SUZ12: variants seen among roughly 807,000 people sequenced by gnomAD.
SUZ12 encodes SUZ12 polycomb repressive complex 2 subunit.
Under a neutral mutation model 87.3 loss-of-function variants are expected in SUZ12, and 17 were observed. That is an observed-to-expected ratio of 0.19 (90% CI 0.13 to 0.29). The LOEUF is 0.29. Ranked by LOEUF, SUZ12 falls within the 10% of genes least tolerant of loss-of-function variation. The pLI, the probability that SUZ12 is intolerant of heterozygous loss-of-function variation, is 1.00. For synonymous variants in SUZ12, 253 were observed against 312.4 expected, an observed-to-expected ratio of 0.81 and a Z score of 2.01; for missense variants, 526 against 912.2, an observed-to-expected ratio of 0.58 and a Z score of 5.45.
At chr17:31,963,941 C>G (rs764390385) in intron 4 of SUZ12, 4 of 151,860 alleles carry the variant, frequency 2.6e-5, no homozygotes, top group Non-Finnish European at 5.9e-5. Flanking sequence ...GGCACCGGCC[C>G]TCTGCTTTCT....
At chr17:31,970,191 G>A (rs763845655) in intron 5 of SUZ12, among the ~76,000 whole-genome samples, 24 of 152,266 alleles carry the variant, frequency 1.6e-4, no homozygotes, top group Admixed American at 5.9e-4. Context: ...AGTATTGTTC[G>A]GCAAATATTT....
chr17:31,992,589 T>A (rs1909775118), intron 10 of SUZ12, among the ~76,000 whole-genome samples: 1 of 151,868 alleles, frequency 6.6e-6, no homozygotes, highest in South Asian at 2.1e-4. Flanking sequence ...TTTTTGTATT[T>A]TTAGTAGAGA....
At chr17:31,972,157 C>T (rs1474645037) in intron 5 of SUZ12, among the ~76,000 whole-genome samples, 1 of 151,640 alleles carries the variant, frequency 6.6e-6, no homozygotes, top group Non-Finnish European at 1.5e-5. Context: ...TCCTGGTGCG[C>T]ACCTGTAGTC....
intron 10 of SUZ12, among the ~76,000 whole-genome samples, chr17:31,993,041 A>G (rs1303661489): frequency 6.6e-6 from 1 of 152,210 alleles, no homozygotes; most frequent in Non-Finnish European, 1.5e-5. Context: ...AGTCCTGCCA[A>G]TAGACCTTAA....
At position 31,966,203 on chromosome 17, in the gene SUZ12, A is replaced by C. The variant is rs781478392; in HGVS notation, c.505+7A>C. On this transcript the variant is annotated splice_region_variant and intron_variant, in intron 5 of 15. Transcript: ENST00000322652. ...GGTTTCTTCCACAAAAATGGTATGT[A>C]TTTAAAAGTAAATAAAGTGGCATTT... is the stretch of plus-strand genomic sequence containing the variant. 1.9e-6 allele frequency: 3 copies of C among 1,598,536 alleles called. No homozygotes were observed. The highest frequency in any genetic ancestry group is 2.6e-6 in the Non-Finnish European group (3 of 1,174,612).
intron 5 of SUZ12, among the ~76,000 whole-genome samples, chr17:31,969,953 C>A (rs1908315289): frequency 6.6e-6 from 1 of 152,090 alleles, no homozygotes; most frequent in African/African-American, 2.4e-5. Context: ...TAGACAGAGT[C>A]TTGCTCTGTC....
intron 3 of SUZ12, among the ~76,000 whole-genome samples, chr17:31,946,261 T>A (rs562588949): frequency 1.3e-5 from 2 of 152,282 alleles, no homozygotes; most frequent in East Asian, 3.9e-4. Flanking sequence ...TGGCCAGGCA[T>A]GGTGGCTCAC....
chr17:31,986,301 T>G (rs1294283350), intron 9 of SUZ12, among the ~76,000 whole-genome samples: 1 of 152,228 alleles, frequency 6.6e-6, no homozygotes, highest in African/African-American at 2.4e-5. Context: ...CATATAGATT[T>G]ACTTCTTTTT....
At chr17:31,939,753 C>T (rs1201557232) in intron 1 of SUZ12, among the ~76,000 whole-genome samples, 4 of 151,972 alleles carry the variant, frequency 2.6e-5, no homozygotes, top group Admixed American at 6.6e-5. Flanking sequence ...CTCGAACTCC[C>T]GACCTTAGGT....
intron 10 of SUZ12, among the ~76,000 whole-genome samples, chr17:31,991,731 A>G (rs768253616): frequency 8.7e-4 from 132 of 151,868 alleles, no homozygotes; most frequent in Non-Finnish European, 1.4e-3. Flanking sequence ...CAGCTTCCCA[A>G]GTAGCTGGGA....
chr17:31,989,684 T>C (rs2142206666), intron 10 of SUZ12, among the ~76,000 whole-genome samples: 1 of 151,578 alleles, frequency 6.6e-6, no homozygotes, highest in East Asian at 2.0e-4. Context: ...CTGCACGCTC[T>C]GCCTCCCTGG....
intron 9 of SUZ12, 93 bp from the exon 10 acceptor site, chr17:31,988,227 C>G: frequency 8.0e-7 from 1 of 1,256,792 alleles, no homozygotes; most frequent in East Asian, 2.6e-5. Flanking sequence ...AAGGCAAATC[C>G]ACATTGACTT....
rs142224060 is a variant in SUZ12, at chr17:31,978,357, T to C, written c.917+1743T>C. Among the ~76,000 whole-genome samples, 1,400 of 152,136 alleles carry C rather than the reference T, an allele frequency of 9.2e-3. 6 individuals carry two copies. The highest frequency in any genetic ancestry group is 0.013 in the Non-Finnish European group (895 of 67,986). On this transcript the variant is annotated intron_variant, in intron 8 of 15. Coordinates refer to ENST00000322652, the MANE Select transcript of SUZ12 (RefSeq NM_015355.4). ...CTGAATAGCTGGGATTACAGGCACC[T>C]GCTACCATGCCCAGCTAATTTTTGT...
At chr17:31,969,080 G>A (rs936320215) in intron 5 of SUZ12, among the ~76,000 whole-genome samples, 2 of 152,158 alleles carry the variant, frequency 1.3e-5, no homozygotes, top group African/African-American at 4.8e-5. Flanking sequence ...AGGTTCAAGT[G>A]ATTCTCATGC....
intron 4 of SUZ12, among the ~76,000 whole-genome samples, chr17:31,964,321 A>G (rs376931181): frequency 0.066 from 9,891 of 149,718 alleles, no homozygotes; most frequent in African/African-American, 0.22. Context: ...CACCGCACCC[A>G]GCCCCTAGCA....
At chr17:31,982,345 A>G (rs1428911555) in intron 8 of SUZ12, among the ~76,000 whole-genome samples, 1 of 151,886 alleles carries the variant, frequency 6.6e-6, no homozygotes, top group Non-Finnish European at 1.5e-5. Context: ...ATTGTTTGTA[A>G]CACTATTATC....
chr17:31,988,982 G>A (rs1340573927), intron 10 of SUZ12, among the ~76,000 whole-genome samples: 1 of 151,802 alleles, frequency 6.6e-6, no homozygotes, highest in Non-Finnish European at 1.5e-5. Context: ...TGAGGCATGA[G>A]AATGGCGTGA....
At chr17:31,976,467 A>G (rs867280553) in intron 7 of SUZ12, 54 bp from the exon 8 acceptor site, 13 of 1,404,850 alleles carry the variant, frequency 9.3e-6, no homozygotes, top group African/African-American at 7.5e-5. Flanking sequence ...ACCATATATC[A>G]TAACACATTT....
At position 31,945,662 on chromosome 17, in the gene SUZ12, A is replaced by G. The variant is rs1424612345; in HGVS notation, c.387-1955A>G. On this transcript the variant is annotated intron_variant, in intron 3 of 15. Coordinates refer to ENST00000322652, the MANE Select transcript of SUZ12 (RefSeq NM_015355.4). Reference sequence around the variant, plus strand: ...GTGTTGGGGGAGGAGCAGCTTTTATATAGTTGCTTATGAGGTTGGTTTTGT... The same window carrying G: ...GTGTTGGGGGAGGAGCAGCTTTTATGTAGTTGCTTATGAGGTTGGTTTTGT... Among the ~76,000 whole-genome samples, 3 of 152,168 alleles carry G rather than the reference A, an allele frequency of 2.0e-5. No homozygotes were observed. The East Asian group carries it at 5.8e-4, about 29-fold the overall frequency.
Sources: allele counts gnomAD v4.1 joint callset (sites outside exome capture counted in the v4.1 genomes callset), GRCh38; gene constraint gnomAD v4.1.1; transcripts MANE v1.5; gene names NCBI Gene and HGNC (gene_info 2026-07-23, HGNC 2026-07-21).